Variants in SMG7 observed in about 807,000 individuals in gnomAD.
The protein encoded by SMG7 is SMG7 nonsense mediated mRNA decay factor.
In SMG7, 34 loss-of-function variants were observed where a neutral mutation model predicts 148.2. The observed-to-expected ratio is 0.23, with a 90% confidence interval of 0.17 to 0.31. The LOEUF (loss-of-function observed/expected upper bound fraction) is 0.31. Among genes scored for constraint, SMG7 ranks in the 10% least tolerant of loss-of-function variants. The pLI is 1.00. For synonymous variants in SMG7, 492 were observed against 515.1 expected (o/e 0.96, Z 0.61); for missense variants, 1,114 against 1,408.4 (o/e 0.79, Z 3.35).
intron 13 of SMG7, 90 bp from the exon 14 acceptor site, chr1:183,541,986 A>G (rs955736930): frequency 9.4e-7 from 1 of 1,058,480 alleles, no homozygotes. Context: ...TATTAGTGCT[A>G]GGAATATATT....
chr1:183,487,863 TAGGA>T (rs1553233578), intron 1 of SMG7, among the ~76,000 whole-genome samples: 1 of 152,136 alleles, frequency 6.6e-6, no homozygotes, highest in Non-Finnish European at 1.5e-5. Flanking sequence ...TTCTCAAAAA[TAGGA>T]AGAGAAATTC....
intron 1 of SMG7, among the ~76,000 whole-genome samples, chr1:183,507,411 G>T (rs768077917): frequency 4.6e-5 from 7 of 152,044 alleles, no homozygotes; most frequent in Non-Finnish European, 8.8e-5. Context: ...TCTTGTGTAA[G>T]AGAGGAACTA....
chr1:183,534,352 A>G (rs1198057489), intron 10 of SMG7, among the ~76,000 whole-genome samples: 1 of 152,176 alleles, frequency 6.6e-6, no homozygotes, highest in African/African-American at 2.4e-5. Context: ...GCTCTTAGGA[A>G]CCATTGATTT....
chr1:183,473,245 A>C (rs1243352527), intron 1 of SMG7, among the ~76,000 whole-genome samples: 2 of 151,878 alleles, frequency 1.3e-5, no homozygotes, highest in African/African-American at 4.8e-5. Flanking sequence ...GTGAAGGGGA[A>C]TAGATGGGGA....
At chr1:183,472,846 C>T (rs930772686) in intron 1 of SMG7, 197 bp downstream of exon 1, 1 of 427,896 alleles carries the variant, frequency 2.3e-6, no homozygotes. Flanking sequence ...ACCGCCCGGG[C>T]TGAGCTCTGG....
At chr1:183,512,007 T>A (rs934783607) in intron 1 of SMG7, among the ~76,000 whole-genome samples, 3 of 152,198 alleles carry the variant, frequency 2.0e-5, no homozygotes, top group African/African-American at 7.2e-5. Flanking sequence ...GAATGGGTCC[T>A]GAGTTCAGTT....
At chr1:183,502,071 A>C (rs1659853898) in intron 1 of SMG7, among the ~76,000 whole-genome samples, 1 of 152,224 alleles carries the variant, frequency 6.6e-6, no homozygotes, top group Non-Finnish European at 1.5e-5. Context: ...TGTTAGAAAT[A>C]TATGAGACAG....
In SMG7 at chr1:183,506,101, G is replaced by A. The variant is rs80147375; in HGVS notation, c.30-6736G>A. 6.7e-3 allele frequency among the ~76,000 whole-genome samples: 1,018 copies of A among 152,178 alleles called. 9 individuals carry two copies. The highest frequency in any genetic ancestry group is 0.014 in the Middle Eastern group (4 of 292). ...CCTTGCATTTGATGCTCACTCACTA[G>A]CTTAGCTTTGCTTTTTATTGTTCTG... On this transcript the variant is annotated intron_variant, in intron 1 of 22. Coordinates refer to ENST00000688051, the MANE Select transcript of SMG7 (RefSeq NM_001375584.1).
At chr1:183,477,810 C>T (rs139701677) in intron 1 of SMG7, among the ~76,000 whole-genome samples, 177 of 151,446 alleles carry the variant, frequency 1.2e-3, no homozygotes, top group African/African-American at 4.2e-3. Context: ...GTATATGTGT[C>T]TATGCACATA....
rs752345579 is a variant in SMG7 at position 183,542,216 on chromosome 1, G to A, written c.1556G>A (p.Gly519Glu). 32 of 1,613,966 alleles carry A rather than the reference G, an allele frequency of 2.0e-5. No homozygotes were observed. The Middle Eastern group carries it at 4.9e-4, about 25-fold the overall frequency. Residue 519 changes from glycine (G) to glutamate (E), a missense_variant, in exon 14 of 23, where the codon GGG becomes GAG. By Grantham distance (98) the Gly-to-Glu change is moderately conservative. Around this residue, in one of 4 missense-constraint regions of SMG7, gnomAD observed 788 missense variants for 894.5 expected, o/e 0.88. Transcript: ENST00000688051. ...GTGATAGAGTCGCTGGCTGCAGATG[G>A]GAGCCCAGGGCTAAAATCAGTGCTA... is the stretch of plus-strand genomic sequence containing the variant. ...TSVIESLAAD[G>E]SPGLKSVLST...
intron 12 of SMG7, among the ~76,000 whole-genome samples, 179 bp from the exon 13 acceptor site, chr1:183,540,805 T>C (rs1475021054): frequency 1.3e-5 from 2 of 152,248 alleles, no homozygotes; most frequent in Admixed American, 6.5e-5. Context: ...TCTGCTTTGT[T>C]TCATAGTTTG....
chr1:183,511,234 T>G (rs1662073726), intron 1 of SMG7, among the ~76,000 whole-genome samples: 1 of 152,124 alleles, frequency 6.6e-6, no homozygotes. Flanking sequence ...AAATATTGAG[T>G]GTCTGTTGTG....
intron 1 of SMG7, among the ~76,000 whole-genome samples, chr1:183,498,232 T>G (rs1658972499): frequency 6.6e-6 from 1 of 152,190 alleles, no homozygotes; most frequent in Admixed American, 6.5e-5. Context: ...GCTTTGCATT[T>G]TATAAAGCAC....
At chr1:183,538,562 G>A (rs1307815209) in intron 12 of SMG7, 122 bp downstream of exon 12, 15 of 714,392 alleles carry the variant, frequency 2.1e-5, no homozygotes, top group South Asian at 4.8e-5. Flanking sequence ...TTTTTGTAAC[G>A]TCAACTAATA....
At chr1:183,484,908 A>G (rs1445268941) in intron 1 of SMG7, among the ~76,000 whole-genome samples, 1 of 152,144 alleles carries the variant, frequency 6.6e-6, no homozygotes, top group Non-Finnish European at 1.5e-5. Flanking sequence ...AATCTGGCAT[A>G]CACTGACATA....
chr1:183,507,784 T>G (rs985299884), intron 1 of SMG7, among the ~76,000 whole-genome samples: 1 of 152,228 alleles, frequency 6.6e-6, no homozygotes, highest in African/African-American at 2.4e-5. Context: ...AGATGTTGAT[T>G]ATTCCACGAG....
chr1:183,540,120 A>G (rs2102711745), intron 12 of SMG7, among the ~76,000 whole-genome samples: 1 of 152,072 alleles, frequency 6.6e-6, no homozygotes, highest in African/African-American at 2.4e-5. Flanking sequence ...TTATTCCTCC[A>G]CACCTTTGTT....
At chr1:183,522,593 T>A (rs1007678974) in intron 4 of SMG7, among the ~76,000 whole-genome samples, 1 of 152,174 alleles carries the variant, frequency 6.6e-6, no homozygotes, top group African/African-American at 2.4e-5. Flanking sequence ...AGTGACCATA[T>A]AACTTGTGGT....
chr1:183,549,214 T>G lies in SMG7; in HGVS notation c.2899T>G (p.Leu967Val). Residue 967 changes from leucine (L) to valine (V), a missense_variant, in exon 19 of 23, where the codon TTA becomes GTA. Leu to Val is a conservative substitution (Grantham distance 32). Coordinates refer to ENST00000688051, the MANE Select transcript of SMG7 (RefSeq NM_001375584.1). ...TTTTTCTGGGACTGTGAAGAAATCC[T>G]TATTGGAGAAGCCCTCAGAGCTCAT... ...SLPGRSLFKS[L>V]LEKPSELMSH... 1.2e-6 allele frequency: 2 copies of G among 1,612,392 alleles called. No individual in the cohort carries two copies. The highest frequency in any genetic ancestry group is 1.7e-6 in the Non-Finnish European group (2 of 1,178,640).
Sources: allele counts gnomAD v4.1 joint callset (sites outside exome capture counted in the v4.1 genomes callset), GRCh38; gene constraint gnomAD v4.1.1; regional missense constraint gnomAD v4.1.1; transcripts MANE v1.5; gene names NCBI Gene and HGNC (gene_info 2026-07-23, HGNC 2026-07-21).